Variants in MARCHF1 observed in about 807,000 individuals in gnomAD.
MARCHF1 encodes E3 ubiquitin-protein ligase MARCHF1.
In MARCHF1, 40 loss-of-function variants were observed where a neutral mutation model predicts 54.2. That is an observed-to-expected ratio of 0.74 (90% CI 0.57 to 0.96). MARCHF1 has a LOEUF of 0.96. Among genes scored for constraint, MARCHF1 ranks in the 40% least tolerant of loss-of-function variants. MARCHF1 has a pLI of 0.00. For missense variants in MARCHF1, 586 were observed against 656.5 expected (o/e 0.89, Z 1.17); for synonymous variants, 236 against 236.3 (o/e 1.00, Z 0.01).
chr4:164,206,944 G>C (rs1184918110), intron 1 of MARCHF1, among the ~76,000 whole-genome samples: 1 of 151,962 alleles, frequency 6.6e-6, no homozygotes, highest in Non-Finnish European at 1.5e-5. Flanking sequence ...TAAAAAAATT[G>C]TATTAATTTT....
chr4:163,789,090 G>T (rs947725181), intron 4 of MARCHF1, among the ~76,000 whole-genome samples: 1 of 151,966 alleles, frequency 6.6e-6, no homozygotes, highest in African/African-American at 2.4e-5. Flanking sequence ...CTGCAAGAAA[G>T]ATTTTTCTCT....
At chr4:163,812,133 T>C (rs1049683229) in intron 4 of MARCHF1, among the ~76,000 whole-genome samples, 1 of 152,092 alleles carries the variant, frequency 6.6e-6, no homozygotes, top group African/African-American at 2.4e-5. Flanking sequence ...ATCTACACCA[T>C]CAATATGGGC....
intron 1 of MARCHF1, among the ~76,000 whole-genome samples, chr4:164,272,753 A>C: frequency 6.6e-6 from 1 of 151,906 alleles, no homozygotes; most frequent in South Asian, 2.1e-4. Context: ...TTATTCTTAT[A>C]GCTACATTAT....
intron 2 of MARCHF1, among the ~76,000 whole-genome samples, chr4:164,054,476 G>A (rs1030811801): frequency 1.1e-4 from 16 of 152,138 alleles, no homozygotes; most frequent in South Asian, 8.3e-4. Flanking sequence ...ACATGCACAC[G>A]TATGTTTACT....
At chr4:163,649,571 C>T (rs1036099951) in intron 5 of MARCHF1, among the ~76,000 whole-genome samples, 7 of 151,996 alleles carry the variant, frequency 4.6e-5, no homozygotes, top group African/African-American at 1.4e-4. Flanking sequence ...GCTGTAGGTC[C>T]ATCTGCAGAA....
chr4:163,803,447 A>T (rs1313930079), intron 4 of MARCHF1, among the ~76,000 whole-genome samples: 3 of 148,988 alleles, frequency 2.0e-5, no homozygotes, highest in African/African-American at 7.8e-5. Flanking sequence ...TCCTGAGATT[A>T]TAGGCATGAG....
intron 1 of MARCHF1, among the ~76,000 whole-genome samples, chr4:164,281,012 A>G (rs1218938021): frequency 1.3e-5 from 2 of 152,186 alleles, no homozygotes; most frequent in Non-Finnish European, 2.9e-5. Context: ...TCCATAAAAT[A>G]TGGAAAAAAT....
chr4:163,842,533 C>T (rs1458018248), intron 4 of MARCHF1, among the ~76,000 whole-genome samples: 2 of 151,850 alleles, frequency 1.3e-5, no homozygotes, highest in Non-Finnish European at 2.9e-5. Context: ...AGCATGGATC[C>T]TAAAATTTGA....
Position 164,215,237 on chromosome 4 carries a change from G to A in MARCHF1, c.-322-103575C>T, listed in dbSNP as rs141106441. Among the ~76,000 whole-genome samples the A allele has an allele frequency of 3.5e-3, 536 of 152,288 alleles. 3 individuals carry two copies. Among genetic ancestry groups the A allele is most frequent in the African/African-American group, 0.012 (517 of 41,560 alleles). ...AGATGGGGGAGCCAGAAGAGAGATG[G>A]TTTTCCCCTGGAGCATTCGCCAAAC... On this transcript the variant is annotated intron_variant, in intron 1 of 9. Coordinates refer to ENST00000514618, the MANE Select transcript of MARCHF1 (RefSeq NM_001394959.1).
At chr4:164,147,770 A>C (rs36066724) in intron 1 of MARCHF1, among the ~76,000 whole-genome samples, 1 of 144,194 alleles carries the variant, frequency 6.9e-6, no homozygotes, top group Non-Finnish European at 1.5e-5. Flanking sequence ...CATGTATACA[A>C]ATGTAACTAA....
intron 1 of MARCHF1, among the ~76,000 whole-genome samples, chr4:164,220,448 C>T (rs1732063565): frequency 6.9e-6 from 1 of 144,006 alleles, no homozygotes. Flanking sequence ...ATAAGAATTC[C>T]ATTAATTCCT....
At chr4:163,883,584 A>G (rs893291174) in intron 3 of MARCHF1, among the ~76,000 whole-genome samples, 1 of 152,186 alleles carries the variant, frequency 6.6e-6, no homozygotes, top group Non-Finnish European at 1.5e-5. Context: ...TATGGTTACA[A>G]TATATTTTTC....
intron 3 of MARCHF1, among the ~76,000 whole-genome samples, chr4:163,962,569 T>C (rs1336063953): frequency 6.6e-6 from 1 of 151,978 alleles, no homozygotes; most frequent in Non-Finnish European, 1.5e-5. Flanking sequence ...TATTGTGTAC[T>C]ACAACTGTGA....
At chr4:164,339,513 T>C (rs1729853225) in intron 1 of MARCHF1, among the ~76,000 whole-genome samples, 1 of 152,114 alleles carries the variant, frequency 6.6e-6, no homozygotes, top group South Asian at 2.1e-4. Context: ...TGTTAAAATG[T>C]CTTGAGGCAA....
intron 1 of MARCHF1, among the ~76,000 whole-genome samples, chr4:164,130,904 C>T (rs2915267): frequency 1.3e-5 from 2 of 151,986 alleles, no homozygotes; most frequent in Non-Finnish European, 2.9e-5. Flanking sequence ...ATGTTATAAG[C>T]TTTATTTTAA....
chr4:164,307,393 G>A (rs2111413164), intron 1 of MARCHF1, among the ~76,000 whole-genome samples: 1 of 152,286 alleles, frequency 6.6e-6, no homozygotes, highest in African/African-American at 2.4e-5. Context: ...CCAAACAGCA[G>A]CAACCTGTTT....
intron 1 of MARCHF1, among the ~76,000 whole-genome samples, chr4:164,309,342 C>T (rs1443344598): frequency 6.6e-6 from 1 of 151,846 alleles, no homozygotes; most frequent in Non-Finnish European, 1.5e-5. Flanking sequence ...GTCTGCTTTG[C>T]GCTCCCTGCC....
chr4:164,212,604 T>C (rs1346157911), intron 1 of MARCHF1, among the ~76,000 whole-genome samples: 1 of 152,220 alleles, frequency 6.6e-6, no homozygotes, highest in Non-Finnish European at 1.5e-5. Context: ...AATATATGTA[T>C]GTATATGATC....
intron 1 of MARCHF1, among the ~76,000 whole-genome samples, chr4:164,298,710 T>C (rs956589157): frequency 1.8e-4 from 28 of 152,132 alleles, no homozygotes; most frequent in Admixed American, 1.0e-3. Context: ...ATGGATAATA[T>C]ATACCGCTTC....
Sources: allele counts gnomAD v4.1 joint callset (sites outside exome capture counted in the v4.1 genomes callset), GRCh38; gene constraint gnomAD v4.1.1; transcripts MANE v1.5; gene names NCBI Gene and HGNC (gene_info 2026-07-23, HGNC 2026-07-21).